Variants in HERC2 observed in about 807,000 individuals in gnomAD.
HERC2 encodes the protein HECT and RLD domain containing E3 ubiquitin protein ligase 2, also known as E3 ubiquitin-protein ligase HERC2.
Under a neutral mutation model 537.7 loss-of-function variants are expected in HERC2, and 102 were observed. The observed-to-expected ratio is 0.19, with a 90% CI of 0.16 to 0.22. The LOEUF is 0.22. Ranked by LOEUF, HERC2 falls within the 10% of genes least tolerant of loss-of-function variation. HERC2 has a pLI of 1.00. For missense variants in HERC2, 4,236 were observed against 6,198.2 expected (o/e 0.68, Z 10.63); for synonymous variants, 2,224 against 2,466.2 (o/e 0.90, Z 2.91).
chr15:28,128,023 GCAGA>G (rs1181098916), intron 83 of HERC2, among the ~76,000 whole-genome samples: 1 of 152,178 alleles, frequency 6.6e-6, no homozygotes, highest in Non-Finnish European at 1.5e-5. Flanking sequence ...TCATCAGCAA[GCAGA>G]CAAACTGCAT....
At chr15:28,121,524 A>G (rs1312461320) in intron 85 of HERC2, 95 bp from the exon 86 acceptor site, 19 of 1,034,062 alleles carry the variant, frequency 1.8e-5, no homozygotes, top group Non-Finnish European at 2.1e-5. Context: ...ATCTGTGTTG[A>G]AGACCTTCTT....
intron 30 of HERC2, among the ~76,000 whole-genome samples, chr15:28,231,555 C>T (rs1223959365): frequency 1.3e-5 from 2 of 152,176 alleles, no homozygotes; most frequent in Non-Finnish European, 2.9e-5. Flanking sequence ...CAATTCTTCA[C>T]ACATGATATG....
intron 26 of HERC2, among the ~76,000 whole-genome samples, chr15:28,235,157 A>G (rs571416409): frequency 2.9e-4 from 44 of 152,166 alleles, no homozygotes; most frequent in African/African-American, 1.0e-3. Flanking sequence ...TTTACTGGAC[A>G]TTTAGATTTT....
intron 2 of HERC2, among the ~76,000 whole-genome samples, chr15:28,311,375 G>A (rs1201646951): frequency 2.1e-4 from 32 of 152,282 alleles, no homozygotes; most frequent in Non-Finnish European, 3.8e-4. Flanking sequence ...GAGGTGGGAG[G>A]ATCACCTGAG....
chr15:28,207,210 A>G (rs1356574094), intron 44 of HERC2, among the ~76,000 whole-genome samples: 1 of 151,750 alleles, frequency 6.6e-6, no homozygotes, highest in Non-Finnish European at 1.5e-5. Flanking sequence ...ATCTTGGCAA[A>G]CTGCAACCTC....
At position 28,257,157 on chromosome 15, in the gene HERC2, C is replaced by T; in HGVS notation, c.2421G>A (p.Arg807=). 6.2e-7 allele frequency: 1 copy of T among 1,613,872 alleles called. No individual in the cohort carries two copies. Reference sequence around the variant, plus strand: ...AACCATCCATCCCCTCACTCACCTGCCGAAGCAGGAGATCCAGCTGCTCAA... The same window carrying T: ...AACCATCCATCCCCTCACTCACCTGTCGAAGCAGGAGATCCAGCTGCTCAA... ...MTFEQLDLLL[R]QVSEGMDGSA... Residue 807 remains arginine, a synonymous_variant, in exon 17 of 93, where the codon CGG becomes CGA. Coordinates refer to ENST00000261609, the MANE Select transcript of HERC2 (RefSeq NM_004667.6).
chr15:28,281,046 T>C (rs1030181595), intron 4 of HERC2, among the ~76,000 whole-genome samples: 3 of 152,196 alleles, frequency 2.0e-5, no homozygotes, highest in Non-Finnish European at 2.9e-5. Context: ...AAAAACGATG[T>C]CTTGATAAAA....
intron 69 of HERC2, among the ~76,000 whole-genome samples, chr15:28,157,037 T>C (rs919457059): frequency 1.3e-5 from 2 of 152,238 alleles, no homozygotes; most frequent in African/African-American, 4.8e-5. Context: ...TCTGTTTATA[T>C]GCTAGATTAC....
intron 15 of HERC2, among the ~76,000 whole-genome samples, chr15:28,261,378 A>C (rs1303786920): frequency 6.6e-6 from 1 of 152,214 alleles, no homozygotes; most frequent in African/African-American, 2.4e-5. Context: ...TCTCTCAGTT[A>C]GATATAACTG....
Position 28,255,974 on chromosome 15 carries a change from T to C in HERC2, c.2769A>G (p.Ile923Met), listed in dbSNP as rs747424739. ...CAATCATGAATCGACGACCTGGACT[T>C]ATGTTCACTTCATTGCCTGAAACTG... ...PCAVSGNEVNISPGRRFMIDL... is the reference protein window; with the variant it reads ...PCAVSGNEVNMSPGRRFMIDL... Residue 923 changes from isoleucine (I) to methionine (M), a missense_variant, in exon 19 of 93, where the codon ATA becomes ATG. By Grantham distance (10) the Ile-to-Met change is conservative. This residue lies in a region of HERC2 where 754 missense variants were observed against 1,085.0 expected (regional missense o/e 0.69). Transcript: ENST00000261609. 1 of 1,606,406 alleles carries C rather than the reference T, an allele frequency of 6.2e-7. No individual in the cohort carries two copies. The highest frequency in any genetic ancestry group is 1.1e-5 in the South Asian group (1 of 91,080).
intron 5 of HERC2, among the ~76,000 whole-genome samples, chr15:28,276,828 G>C (rs1272323235): frequency 6.6e-6 from 1 of 152,146 alleles, no homozygotes; most frequent in Non-Finnish European, 1.5e-5. Context: ...AATGTTAAGG[G>C]GATTGTGCTG....
rs1890163953 is a variant in HERC2, at chr15:28,132,046, G to A, written c.12570+54C>T. 3 of 1,125,248 alleles carry A rather than the reference G, an allele frequency of 2.7e-6. No homozygotes were observed. In the South Asian group the frequency reaches 4.8e-5, roughly 18 times the overall value. 69.7% of individuals were successfully genotyped at this position (1,125,248 alleles called of 1,614,324 possible). ...TGTGTTTTCCCAGAGGGGCCCTGGG[G>A]GCCCGACTGCGGTGAGCTGGGAGAG... On this transcript the variant is annotated intron_variant, in intron 81 of 92. Coordinates refer to ENST00000261609, the MANE Select transcript of HERC2 (RefSeq NM_004667.6).
Position 28,268,676 on chromosome 15 carries a change from C to A in HERC2, c.1447-60G>T. 1 of 1,421,130 alleles carries A rather than the reference C, an allele frequency of 7.0e-7. No individual in the cohort carries two copies. Among genetic ancestry groups the A allele is most frequent in the Non-Finnish European group, 9.7e-7 (1 of 1,028,654 alleles). 88.0% of individuals were successfully genotyped at this position (1,421,130 alleles called of 1,614,324 possible). ...CAGTCCAAGGAAAATGAAACCAGCT[C>A]AGCTCTCCGTTATCATGTATCCCCA... On this transcript the variant is annotated intron_variant, in intron 11 of 92. Transcript: ENST00000261609. This position sits in a 1 kb window ranked among gnomAD's most constrained non-coding sequence, Gnocchi z 4.7.
Position 28,222,128 on chromosome 15 carries a change from G to A in HERC2, c.5552C>T (p.Thr1851Met), listed in dbSNP as rs749025739. ...ATVLEETRKETAPVQLPVSGP... is the reference protein window; with the variant it reads ...ATVLEETRKEMAPVQLPVSGP... ...TGAAACAGGGAGCTGCACAGGAGCCGTTTCCTTCCTTGTTTCTTCCAAAAC... is the reference window on the plus strand; with the variant it reads ...TGAAACAGGGAGCTGCACAGGAGCCATTTCCTTCCTTGTTTCTTCCAAAAC... Residue 1851 changes from threonine (T) to methionine (M), a missense_variant, in exon 36 of 93, where the codon ACG (threonine) becomes ATG (methionine). Thr to Met is a moderately conservative substitution (Grantham distance 81, BLOSUM62 -1). Coordinates refer to ENST00000261609, the MANE Select transcript of HERC2 (RefSeq NM_004667.6). The A allele has an allele frequency of 9.4e-6, 11 of 1,168,926 alleles. No homozygotes were observed. Among genetic ancestry groups the A allele is most frequent in the Middle Eastern group, 2.4e-4 (1 of 4,096 alleles). 72.4% of individuals were successfully genotyped at this position (1,168,926 alleles called of 1,614,324 possible).
rs576049890 is a variant in HERC2 at position 28,180,493 on chromosome 15, A to G, written c.8938-1270T>C. ...CACACTGGAGTATTTTAAGAATGAA[A>G]TGATACACTGTGATTGACTTTAAAC... is the stretch of plus-strand genomic sequence containing the variant. On this transcript the variant is annotated intron_variant, in intron 57 of 92. Coordinates refer to ENST00000261609, the MANE Select transcript of HERC2 (RefSeq NM_004667.6). Among the ~76,000 whole-genome samples the G allele has an allele frequency of 4.1e-4, 62 of 152,368 alleles. 1 individual carries two copies. Among genetic ancestry groups the G allele is most frequent in the African/African-American group, 1.4e-3 (60 of 41,578 alleles).
At chr15:28,317,230 A>C (rs1261030242) in intron 2 of HERC2, among the ~76,000 whole-genome samples, 1 of 152,126 alleles carries the variant, frequency 6.6e-6, no homozygotes, top group Non-Finnish European at 1.5e-5. Flanking sequence ...AGCTGGGATT[A>C]CAAGCGCACA....
At chr15:28,262,867 T>G (rs2075451880) in intron 15 of HERC2, 51 bp downstream of exon 15, 2 of 1,559,454 alleles carry the variant, frequency 1.3e-6, no homozygotes, top group Non-Finnish European at 1.7e-6. Context: ...CTTTAAAACA[T>G]TACTAAAGAA....
intron 35 of HERC2, among the ~76,000 whole-genome samples, chr15:28,226,000 T>C (rs1398646957): frequency 2.0e-5 from 3 of 152,190 alleles, no homozygotes; most frequent in Non-Finnish European, 4.4e-5. Flanking sequence ...CTACCAAAGA[T>C]TTAAAGCAGA....
chr15:28,228,522 A>T (rs370107869), intron 34 of HERC2, 113 bp from the exon 35 acceptor site: 2 of 955,506 alleles, frequency 2.1e-6, no homozygotes, highest in East Asian at 5.2e-5. Flanking sequence ...ACCCACTGAC[A>T]TTTCTTCTGC....
Sources: allele counts gnomAD v4.1 joint callset (sites outside exome capture counted in the v4.1 genomes callset), GRCh38; gene constraint gnomAD v4.1.1; regional missense constraint gnomAD v4.1.1; non-coding constraint Gnocchi (gnomAD v3.1); transcripts MANE v1.5; gene names NCBI Gene and HGNC (gene_info 2026-07-23, HGNC 2026-07-21).